Variants in CELF5 observed in about 807,000 individuals in gnomAD.
CELF5 encodes the protein CUG-BP and ETR-3 like factor 5.
A neutral mutation model predicts 54.9 loss-of-function variants in CELF5; 6 were observed. The observed-to-expected ratio is 0.11, with a 90% CI of 0.06 to 0.22. The LOEUF (loss-of-function observed/expected upper bound fraction) is 0.22. CELF5 is among the 10% of genes least tolerant of loss of function. The pLI, the probability that CELF5 is intolerant of heterozygous loss-of-function variation, is 1.00. For synonymous variants in CELF5, 271 were observed against 290.9 expected (o/e 0.93, Z 0.70); for missense variants, 401 against 678.6 (o/e 0.59, Z 4.54).
At chr19:3,248,927 T>TTTCTTTCTTTCTTTC (rs1291133466) in intron 1 of CELF5, among the ~76,000 whole-genome samples, 2 of 83,194 alleles carry the variant, frequency 2.4e-5, no homozygotes, top group African/African-American at 8.1e-5. Flanking sequence ...TCTTTCTTTC[T>TTTCTTTCTTTCTTTC]TTTCTTTTCT....
In CELF5 at chr19:3,290,499, C is replaced by T. The variant is rs561366296; in HGVS notation, c.1330+125C>T. ...TGAAATAATCACAATCAGAACCAGCCTGTGGCCGGGCACAGTGGATCACGC... is the reference window on the plus strand; with the variant it reads ...TGAAATAATCACAATCAGAACCAGCTTGTGGCCGGGCACAGTGGATCACGC... On this transcript the variant is annotated intron_variant, in intron 11 of 12. Coordinates refer to ENST00000292672, the MANE Select transcript of CELF5 (RefSeq NM_021938.4). 3 of 1,075,886 alleles carry T rather than the reference C, an allele frequency of 2.8e-6. No homozygotes were observed. In the East Asian group the frequency reaches 7.3e-5, roughly 26 times the overall value. 66.6% of individuals were successfully genotyped at this position (1,075,886 alleles called of 1,614,324 possible). A position where few individuals can be genotyped will look rare whatever the true frequency, so the allele number is the denominator to read the frequency against.
intron 1 of CELF5, among the ~76,000 whole-genome samples, chr19:3,250,218 G>A (rs2079629205): frequency 6.6e-6 from 1 of 152,202 alleles, no homozygotes; most frequent in African/African-American, 2.4e-5. Context: ...GCCGGGTGCG[G>A]TGGCTCACGC....
chr19:3,266,933 C>G (rs988036291), intron 2 of CELF5, among the ~76,000 whole-genome samples: 1 of 152,172 alleles, frequency 6.6e-6, no homozygotes, highest in Non-Finnish European at 1.5e-5. Context: ...AAAAGCCCAC[C>G]CAGGCGGCTC....
In CELF5 at chr19:3,248,930, T is replaced by C. The variant is rs996762957; in HGVS notation, c.260-2055T>C. ...CCTTTCTTTCTTTCTTTCTTTCTTT[T>C]CTTTTCTTTTCTTTTCTTTCTTTTC... On this transcript the variant is annotated intron_variant, in intron 1 of 12. Transcript: ENST00000292672. Among the ~76,000 whole-genome samples, 211 of 139,770 alleles carry C rather than the reference T, an allele frequency of 1.5e-3. 1 individual carries two copies. Among genetic ancestry groups the C allele is most frequent in the African/African-American group, 5.0e-3 (181 of 36,396 alleles). The allele number at this position is 139,770 out of a possible 152,430, so 91.7% of individuals were successfully genotyped here.
chr19:3,278,008 C>T lies in CELF5; in HGVS notation c.524-23C>T, dbSNP rs746769391. On this transcript the variant is annotated intron_variant, in intron 4 of 12. Transcript: ENST00000292672. The surrounding 1 kb of genome is among the most constrained non-coding windows in gnomAD (Gnocchi z 4.5). The stretch of plus-strand genomic sequence containing the variant: ...GTCCTGTGACCCCATCACCCTCTAC[C>T]TCTTCTTCTTCTCTTGGAGCAGGCT... 1 of 1,607,078 alleles carries T rather than the reference C, an allele frequency of 6.2e-7. No homozygotes were observed. Among genetic ancestry groups the T allele is most frequent in the Non-Finnish European group, 8.5e-7 (1 of 1,173,908 alleles).
intron 9 of CELF5, 59 bp from the exon 10 acceptor site, chr19:3,285,883 A>T (rs1599480011): frequency 3.0e-6 from 2 of 659,078 alleles, no homozygotes; most frequent in Admixed American, 8.8e-5. Flanking sequence ...CCAGCGGCCC[A>T]GGCCGCCCAC....
rs140813532 is a variant in CELF5, at chr19:3,228,137, C to CAG, written c.259+3155_259+3156dup. ...AGAGAGAGAGAGAGAGATGAGGACA[C>CAG]AGAGAGAGAGAGAGAGACACGCAGG... On this transcript the variant is annotated intron_variant, in intron 1 of 12. Coordinates refer to ENST00000292672, the MANE Select transcript of CELF5 (RefSeq NM_021938.4). The surrounding 1 kb of genome is among the most constrained non-coding windows in gnomAD (Gnocchi z 6.0). 5.7e-4 allele frequency among the ~76,000 whole-genome samples: 86 copies of CAG among 149,758 alleles called. No homozygotes were observed. Among genetic ancestry groups the CAG allele is most frequent in the African/African-American group, 1.5e-3 (63 of 40,952 alleles).
At chr19:3,238,094 C>A (rs1203258392) in intron 1 of CELF5, among the ~76,000 whole-genome samples, 2 of 152,104 alleles carry the variant, frequency 1.3e-5, no homozygotes, top group Non-Finnish European at 2.9e-5. Flanking sequence ...TGGGTCACGC[C>A]TGTAATCCCA....
chr19:3,254,039 A>C (rs2079685998), intron 2 of CELF5, among the ~76,000 whole-genome samples: 2 of 151,994 alleles, frequency 1.3e-5, no homozygotes. Flanking sequence ...TGAGCTCTGC[A>C]CTCTGTTGGC....
intron 4 of CELF5, among the ~76,000 whole-genome samples, chr19:3,276,642 C>G (rs1430158752): frequency 7.3e-6 from 1 of 136,632 alleles, no homozygotes; most frequent in African/African-American, 2.5e-5. Flanking sequence ...TGCATGCTCT[C>G]TCTGCATGCT....
chr19:3,272,971 T>A (rs1208595715), intron 2 of CELF5, among the ~76,000 whole-genome samples: 1 of 152,040 alleles, frequency 6.6e-6, no homozygotes, highest in Non-Finnish European at 1.5e-5. Flanking sequence ...AATTTTTTTT[T>A]CATTAAATAT....
chr19:3,252,070 C>T (rs2079658810), intron 2 of CELF5, among the ~76,000 whole-genome samples: 1 of 150,776 alleles, frequency 6.6e-6, no homozygotes, highest in South Asian at 2.2e-4. Flanking sequence ...TTTTTTGAGA[C>T]AGGGTCTTGC....
intron 12 of CELF5, chr19:3,293,950 T>G: frequency 6.4e-6 from 1 of 156,874 alleles, no homozygotes; most frequent in Non-Finnish European, 1.4e-5. Flanking sequence ...GAACCAGGAG[T>G]GGAGCGTGGA....
chr19:3,254,006 C>A (rs1043844274), intron 2 of CELF5, among the ~76,000 whole-genome samples: 3 of 152,130 alleles, frequency 2.0e-5, no homozygotes, highest in Non-Finnish European at 2.9e-5. Flanking sequence ...GGAACTGGTT[C>A]TTTTCCTGTT....
chr19:3,285,044 C>T (rs113646375), intron 9 of CELF5, 80 bp downstream of exon 9: 373,477 of 1,132,314 alleles, frequency 0.33, 69,421 homozygotes, highest in Middle Eastern at 0.41. Context: ...CCGCCCCGGA[C>T]GTGTCGTTCT....
intron 10 of CELF5, among the ~76,000 whole-genome samples, chr19:3,288,719 G>A (rs1002933793): frequency 5.9e-5 from 9 of 151,904 alleles, no homozygotes; most frequent in South Asian, 4.2e-4. Context: ...ATGGTGGTGC[G>A]TGCCTGTGGT....
intron 9 of CELF5, among the ~76,000 whole-genome samples, chr19:3,285,208 C>T (rs948836599): frequency 6.6e-6 from 1 of 152,028 alleles, no homozygotes; most frequent in African/African-American, 2.4e-5. Flanking sequence ...TTAAGGACAG[C>T]GCTTACCCAT....
intron 8 of CELF5, among the ~76,000 whole-genome samples, chr19:3,284,180 CGT>C (rs760701712): frequency 8.0e-5 from 12 of 150,580 alleles, no homozygotes; most frequent in South Asian, 2.1e-4. Flanking sequence ...ACTCTGTGCA[CGT>C]GTGTGTGTGT....
intron 11 of CELF5, among the ~76,000 whole-genome samples, chr19:3,292,617 G>A (rs1397963166): frequency 6.6e-6 from 1 of 152,130 alleles, no homozygotes; most frequent in Non-Finnish European, 1.5e-5. Context: ...CCTCTGGACA[G>A]AGACTGGAGC....
Sources: allele counts gnomAD v4.1 joint callset (sites outside exome capture counted in the v4.1 genomes callset), GRCh38; gene constraint gnomAD v4.1.1; non-coding constraint Gnocchi (gnomAD v3.1); transcripts MANE v1.5; gene names NCBI Gene and HGNC (gene_info 2026-07-23, HGNC 2026-07-21).